The following DNAJC24 variants were observed in gnomAD, a reference collection of about 807,000 sequenced individuals.
The protein encoded by DNAJC24 is dnaJ homolog subfamily C member 24.
Under a neutral mutation model 18.0 loss-of-function variants are expected in DNAJC24, and 17 were observed. The ratio of observed to expected loss-of-function variants is 0.94; its 90% confidence interval spans 0.65 to 1.42. The LOEUF (loss-of-function observed/expected upper bound fraction) is 1.42, where lower values mean the gene tolerates loss of function less well. Ranked by LOEUF, DNAJC24 falls within the 40% of genes most tolerant of loss-of-function variation. The pLI is 0.00. For synonymous variants in DNAJC24, 55 were observed against 57.7 expected, an observed-to-expected ratio of 0.95 and a Z score of 0.21; for missense variants, 158 against 175.6, an observed-to-expected ratio of 0.90 and a Z score of 0.57.
intron 3 of DNAJC24, among the ~76,000 whole-genome samples, chr11:31,419,262 C>CG (rs34364513): frequency 2.0e-5 from 3 of 151,774 alleles, no homozygotes; most frequent in South Asian, 2.1e-4. Flanking sequence ...AGATAAGCAT[C>CG]GGGGGGTATG....
chr11:31,385,942 G>A (rs1193047058), intron 2 of DNAJC24, among the ~76,000 whole-genome samples: 1 of 152,184 alleles, frequency 6.6e-6, no homozygotes, highest in Non-Finnish European at 1.5e-5. Context: ...TGTGCTTGGG[G>A]AAGGGAGAGC....
intron 1 of DNAJC24, 94 bp from the exon 2 acceptor site, chr11:31,370,622 C>T (rs2133459525): frequency 1.9e-6 from 1 of 534,392 alleles, no homozygotes; most frequent in Non-Finnish European, 3.3e-6. Context: ...ATGATTTACT[C>T]GACTAAATAC....
intron 2 of DNAJC24, chr11:31,407,666 CAG>C (rs1952668034): frequency 9.0e-6 from 1 of 110,766 alleles, no homozygotes; most frequent in African/African-American, 3.6e-5. Context: ...GCCCAGATGA[CAG>C]AGAGAGATCC....
intron 2 of DNAJC24, among the ~76,000 whole-genome samples, chr11:31,403,857 C>A (rs1440198398): frequency 1.3e-5 from 2 of 152,062 alleles, no homozygotes; most frequent in Non-Finnish European, 2.9e-5. Context: ...CAGGGTGAGT[C>A]CATAAAGTGA....
intron 3 of DNAJC24, 67 bp from the exon 4 acceptor site, chr11:31,426,220 G>A: frequency 1.9e-6 from 2 of 1,060,154 alleles, no homozygotes; most frequent in Non-Finnish European, 2.8e-6. Context: ...TGCCTTTTTA[G>A]CATTCTTCAA....
chr11:31,432,235 A>G lies in DNAJC24; in HGVS notation c.*1834A>G, dbSNP rs1289934733. 6.6e-6 allele frequency among the ~76,000 whole-genome samples: 1 copy of G among 152,222 alleles called. No individual in the cohort carries two copies. Among genetic ancestry groups the G allele is most frequent in the African/African-American group, 2.4e-5 (1 of 41,450 alleles). ...ATTATACCTATAAGAACAAGAATTC[A>G]AAAGTGAGGTAGTCATCCAGGTTCC... On this transcript the variant is annotated 3_prime_UTR_variant, in exon 5 of 5. Transcript: ENST00000465995.
At chr11:31,377,946 G>A (rs1182407104) in intron 2 of DNAJC24, among the ~76,000 whole-genome samples, 5 of 152,080 alleles carry the variant, frequency 3.3e-5, no homozygotes, top group Admixed American at 6.5e-5. Context: ...TAATACTTAC[G>A]TGGGCATTCA....
At chr11:31,387,895 A>G (rs1175521804) in intron 2 of DNAJC24, among the ~76,000 whole-genome samples, 1 of 152,162 alleles carries the variant, frequency 6.6e-6, no homozygotes, top group Non-Finnish European at 1.5e-5. Flanking sequence ...CTATCAAATA[A>G]ATTTAACAGA....
intron 2 of DNAJC24, among the ~76,000 whole-genome samples, chr11:31,389,276 T>G (rs1952463228): frequency 6.6e-6 from 1 of 151,912 alleles, no homozygotes; most frequent in Non-Finnish European, 1.5e-5. Flanking sequence ...ACTTCACCTA[T>G]AGAGAAACAC....
At chr11:31,416,003 T>C (rs1457936961) in intron 3 of DNAJC24, 1 of 152,156 alleles carries the variant, frequency 6.6e-6, no homozygotes, top group East Asian at 1.9e-4. Context: ...AAAATTAAGG[T>C]TTCTTATAGG....
chr11:31,384,206 A>G (rs1428610118), intron 2 of DNAJC24, among the ~76,000 whole-genome samples: 2 of 152,218 alleles, frequency 1.3e-5, no homozygotes, highest in Non-Finnish European at 2.9e-5. Flanking sequence ...TCTACCTCCC[A>G]TTAAGGCACA....
chr11:31,413,029 C>T (rs770879233), intron 2 of DNAJC24, among the ~76,000 whole-genome samples: 5 of 152,110 alleles, frequency 3.3e-5, no homozygotes, highest in Non-Finnish European at 5.9e-5. Context: ...CTTTAGCCTT[C>T]GCAATTTAGA....
chr11:31,400,503 C>G (rs934250882), intron 2 of DNAJC24, among the ~76,000 whole-genome samples: 2 of 152,184 alleles, frequency 1.3e-5, no homozygotes, highest in South Asian at 2.1e-4. Context: ...GTAACCAAAA[C>G]AGCATGGTAC....
chr11:31,379,888 G>A (rs1952359658), intron 2 of DNAJC24, among the ~76,000 whole-genome samples: 1 of 151,998 alleles, frequency 6.6e-6, no homozygotes, highest in Admixed American at 6.6e-5. Flanking sequence ...CTCCCAAGTA[G>A]CTGGGATTAC....
At chr11:31,430,166 T>G (rs966877053) in intron 4 of DNAJC24, 105 bp from the exon 5 acceptor site, 1 of 1,026,266 alleles carries the variant, frequency 9.7e-7, no homozygotes, top group African/African-American at 1.6e-5. Context: ...TGAGCTTCTT[T>G]GTTTTGTTTT....
chr11:31,411,526 A>G (rs1322877375), intron 2 of DNAJC24, among the ~76,000 whole-genome samples: 3 of 152,200 alleles, frequency 2.0e-5, no homozygotes, highest in Non-Finnish European at 4.4e-5. Context: ...GATCTGGTGG[A>G]GAATCCATTG....
chr11:31,410,146 G>C (rs1952694422), intron 2 of DNAJC24, among the ~76,000 whole-genome samples: 2 of 152,060 alleles, frequency 1.3e-5, no homozygotes, highest in Non-Finnish European at 2.9e-5. Flanking sequence ...GCCTCCCAAA[G>C]TGCTGGGATT....
At chr11:31,370,463 C>A (rs1043294910) in intron 1 of DNAJC24, among the ~76,000 whole-genome samples, 4 of 151,684 alleles carry the variant, frequency 2.6e-5, no homozygotes, top group Non-Finnish European at 5.9e-5. Flanking sequence ...TTATAAAATT[C>A]TTTTTTTTAA....
At chr11:31,407,105 A>T (rs1010294308) in intron 2 of DNAJC24, among the ~76,000 whole-genome samples, 18 of 152,204 alleles carry the variant, frequency 1.2e-4, no homozygotes, top group African/African-American at 3.9e-4. Flanking sequence ...CTAGCATCCT[A>T]TTGATGGTAC....
Sources: allele counts gnomAD v4.1 joint callset (sites outside exome capture counted in the v4.1 genomes callset), GRCh38; gene constraint gnomAD v4.1.1; transcripts MANE v1.5; gene names NCBI Gene and HGNC (gene_info 2026-07-23, HGNC 2026-07-21).